The following PLXDC2 variants were observed in gnomAD, a reference collection of about 807,000 sequenced individuals.
The protein encoded by PLXDC2 is plexin domain-containing protein 2.
Under a neutral mutation model 68.9 loss-of-function variants are expected in PLXDC2, and 40 were observed. The ratio of observed to expected loss-of-function variants is 0.58; its 90% confidence interval spans 0.45 to 0.76. The LOEUF (loss-of-function observed/expected upper bound fraction) is 0.76, where lower values mean the gene tolerates loss of function less well. Among genes scored for constraint, PLXDC2 ranks in the 30% least tolerant of loss-of-function variants. The pLI is 0.00. For missense variants in PLXDC2, 644 were observed against 661.9 expected (o/e 0.97, Z 0.30); for synonymous variants, 243 against 234.2 (o/e 1.04, Z -0.34).
chr10:20,240,675 G>T (rs1398152347), intron 12 of PLXDC2, among the ~76,000 whole-genome samples: 1 of 126,124 alleles, frequency 7.9e-6, no homozygotes, highest in Non-Finnish European at 1.6e-5. Flanking sequence ...AGAGATGCTT[G>T]TACTGTGTAG....
At chr10:19,832,563 A>G (rs1401114560) in intron 1 of PLXDC2, among the ~76,000 whole-genome samples, 1 of 152,252 alleles carries the variant, frequency 6.6e-6, no homozygotes, top group Admixed American at 6.5e-5. Context: ...TTCAATTTGC[A>G]TAATTTTTAT....
In PLXDC2 at chr10:19,932,477, C is replaced by T. The variant is rs569062302; in HGVS notation, c.113-69298C>T. ...TAAAATAAACATGCACTTTCATAGA[C>T]CTGCCTTCAGCATCCTTCATTTATG... On this transcript the variant is annotated intron_variant, in intron 1 of 13. Transcript: ENST00000377252. 9.8e-5 allele frequency among the ~76,000 whole-genome samples: 15 copies of T among 152,294 alleles called. No homozygotes were observed. In the South Asian group the frequency reaches 1.9e-3, roughly 19 times the overall value.
At chr10:20,175,229 A>G (rs1834510186) in intron 7 of PLXDC2, among the ~76,000 whole-genome samples, 1 of 152,180 alleles carries the variant, frequency 6.6e-6, no homozygotes, top group Admixed American at 6.6e-5. Context: ...ATATTATCTC[A>G]TTTTAATCCT....
At chr10:19,825,137 A>ACTTGACCAAGATG (rs1186801277) in intron 1 of PLXDC2, among the ~76,000 whole-genome samples, 2 of 152,212 alleles carry the variant, frequency 1.3e-5, no homozygotes, top group East Asian at 3.9e-4. Flanking sequence ...AGAGAGGGTC[A>ACTTGACCAAGATG]CAGGCCAAGA....
At chr10:20,105,118 C>G (rs1564316807) in intron 4 of PLXDC2, among the ~76,000 whole-genome samples, 1 of 151,122 alleles carries the variant, frequency 6.6e-6, no homozygotes, top group Non-Finnish European at 1.5e-5. Context: ...GCACCACCGG[C>G]TCTCTGAGTG....
At chr10:19,962,404 T>C (rs1390779066) in intron 1 of PLXDC2, among the ~76,000 whole-genome samples, 2 of 131,660 alleles carry the variant, frequency 1.5e-5, no homozygotes, top group African/African-American at 5.6e-5. Context: ...TTTTTTTTTT[T>C]TTTTGAGATG....
At chr10:19,967,030 G>A (rs1219320091) in intron 1 of PLXDC2, among the ~76,000 whole-genome samples, 1 of 152,154 alleles carries the variant, frequency 6.6e-6, no homozygotes, top group Non-Finnish European at 1.5e-5. Context: ...ACCTCATGGC[G>A]AGACTTGTTT....
At chr10:19,867,439 G>T (rs1837441798) in intron 1 of PLXDC2, among the ~76,000 whole-genome samples, 1 of 152,108 alleles carries the variant, frequency 6.6e-6, no homozygotes, top group African/African-American at 2.4e-5. Flanking sequence ...TATTTCTGTA[G>T]AACGTCTCAG....
intron 4 of PLXDC2, among the ~76,000 whole-genome samples, chr10:20,089,170 G>A (rs1833242262): frequency 6.8e-5 from 1 of 14,736 alleles, no homozygotes; most frequent in Non-Finnish European, 9.6e-5. Context: ...CTGTATATAC[G>A]TGTGTGTGTG....
chr10:20,239,449 T>C (rs760707510), intron 12 of PLXDC2, among the ~76,000 whole-genome samples: 2 of 152,098 alleles, frequency 1.3e-5, no homozygotes, highest in Non-Finnish European at 2.9e-5. Flanking sequence ...CCTACAATCA[T>C]GGCAGAAGGC....
At position 20,077,761 on chromosome 10, in the gene PLXDC2, G is replaced by C. The variant is rs141861265; in HGVS notation, c.541+9522G>C. Among the ~76,000 whole-genome samples, 385 of 152,208 alleles carry C rather than the reference G, an allele frequency of 2.5e-3. 1 individual carries two copies. The highest frequency in any genetic ancestry group is 0.01 in the Middle Eastern group (3 of 294). On this transcript the variant is annotated intron_variant, in intron 4 of 13. Coordinates refer to ENST00000377252, the MANE Select transcript of PLXDC2 (RefSeq NM_032812.9). Reference sequence around the variant, plus strand: ...AAATTAAGATAATTTAGAGCAATTAGATTTTGTAAACAAAAGTGTAAATTA... The same window carrying C: ...AAATTAAGATAATTTAGAGCAATTACATTTTGTAAACAAAAGTGTAAATTA...
At chr10:20,250,140 T>C (rs1371384186) in intron 13 of PLXDC2, among the ~76,000 whole-genome samples, 1 of 151,864 alleles carries the variant, frequency 6.6e-6, no homozygotes, top group Admixed American at 6.6e-5. Flanking sequence ...TGGTGGTACG[T>C]GCCTGTAATC....
chr10:19,973,897 C>A (rs763786038), intron 1 of PLXDC2, among the ~76,000 whole-genome samples: 3 of 152,118 alleles, frequency 2.0e-5, no homozygotes, highest in Non-Finnish European at 4.4e-5. Context: ...CTGAAACAGA[C>A]TGAAAAAGTC....
intron 1 of PLXDC2, among the ~76,000 whole-genome samples, chr10:19,961,953 G>T (rs932072594): frequency 5.9e-5 from 9 of 152,178 alleles, no homozygotes; most frequent in African/African-American, 2.2e-4. Context: ...TGAGCAGAGA[G>T]CTTGCTCCAA....
At chr10:19,905,821 A>G (rs186363244) in intron 1 of PLXDC2, among the ~76,000 whole-genome samples, 1 of 152,310 alleles carries the variant, frequency 6.6e-6, no homozygotes, top group African/African-American at 2.4e-5. Flanking sequence ...TCTGCAAAAT[A>G]CCATGATTTT....
chr10:19,943,944 G>A (rs538942003), intron 1 of PLXDC2, among the ~76,000 whole-genome samples: 8 of 152,236 alleles, frequency 5.3e-5, no homozygotes, highest in East Asian at 1.9e-4. Context: ...ATAGAATGTC[G>A]CCTTTGCACC....
At chr10:20,121,653 C>T (rs1048519384) in intron 4 of PLXDC2, among the ~76,000 whole-genome samples, 1 of 151,990 alleles carries the variant, frequency 6.6e-6, no homozygotes, top group African/African-American at 2.4e-5. Context: ...GTTTGAGATC[C>T]AGAACAGAAT....
chr10:20,165,023 G>C (rs7920325), intron 7 of PLXDC2, among the ~76,000 whole-genome samples: 133,135 of 152,104 alleles, frequency 0.88, 58,536 homozygotes, highest in Non-Finnish European at 0.91. Context: ...AGGTCTTGCT[G>C]TGTTGCCCAG....
intron 12 of PLXDC2, among the ~76,000 whole-genome samples, chr10:20,221,818 G>C (rs1008493931): frequency 3.9e-5 from 6 of 152,078 alleles, no homozygotes; most frequent in Non-Finnish European, 5.9e-5. Flanking sequence ...CATTTACTGA[G>C]GTTGATTTTT....
Sources: allele counts gnomAD v4.1 joint callset (sites outside exome capture counted in the v4.1 genomes callset), GRCh38; gene constraint gnomAD v4.1.1; transcripts MANE v1.5; gene names NCBI Gene and HGNC (gene_info 2026-07-23, HGNC 2026-07-21).